Variants in EPS15 observed in about 807,000 individuals in gnomAD.
EPS15 encodes epidermal growth factor receptor substrate 15.
EPS15 carries 72 observed loss-of-function variants against 113.8 expected under a neutral mutation model. That is an observed-to-expected ratio of 0.63 (90% CI 0.52 to 0.77). The LOEUF is 0.77. Among genes scored for constraint, EPS15 ranks in the 30% least tolerant of loss-of-function variants. The pLI is 0.00. For synonymous variants in EPS15, 344 were observed against 363.4 expected, an observed-to-expected ratio of 0.95 and a Z score of 0.61; for missense variants, 1,048 against 1,045.8, an observed-to-expected ratio of 1.00 and a Z score of -0.03.
chr1:51,480,272 G>GA (rs926527192), intron 2 of EPS15, among the ~76,000 whole-genome samples: 3 of 152,134 alleles, frequency 2.0e-5, no homozygotes, highest in African/African-American at 7.2e-5. Context: ...GAGACTGTTA[G>GA]AAAAAATAAT....
In EPS15 at chr1:51,399,035, T is replaced by C. The variant is rs749846074; in HGVS notation, c.2049A>G (p.Thr683=). ...PFSAANNSSI[T]SVETLKHNDP... ...AGTTTTTAATTCTCCCACTTACCGA[T>C]GTAATACTGCTATTGTTGGCTGCAC... Residue 683 remains threonine, a synonymous_variant, in exon 20 of 25, where the codon ACA becomes ACG. Coordinates refer to ENST00000371733, the MANE Select transcript of EPS15 (RefSeq NM_001981.3). The C allele has an allele frequency of 3.3e-5, 54 of 1,612,730 alleles. No individual in the cohort carries two copies. Among genetic ancestry groups the C allele is most frequent in the East Asian group, 2.5e-4 (11 of 44,864 alleles).
At chr1:51,511,304 G>A (rs1644615861) in intron 1 of EPS15, among the ~76,000 whole-genome samples, 1 of 151,834 alleles carries the variant, frequency 6.6e-6, no homozygotes, top group African/African-American at 2.4e-5. Context: ...GACCAGCCTG[G>A]AAAACATGGT....
chr1:51,394,364 A>T lies in EPS15; in HGVS notation c.2119+17T>A, dbSNP rs991657108. 3.2e-6 allele frequency: 5 copies of T among 1,540,412 alleles called. No homozygotes were observed. In the East Asian group the frequency reaches 1.1e-4, roughly 35 times the overall value. ...AAATGTTTAATGTTCAATGAAGTTG[A>T]TAAATTATTTATTTACCTGAATCGC... On this transcript the variant is annotated intron_variant, in intron 21 of 24. Transcript: ENST00000371733.
chr1:51,368,293 T>C (rs1319672912), intron 21 of EPS15, among the ~76,000 whole-genome samples: 1 of 152,240 alleles, frequency 6.6e-6, no homozygotes, highest in Non-Finnish European at 1.5e-5. Flanking sequence ...ACACTATTTT[T>C]GTTTGCTTTG....
rs543526683 is a variant in EPS15 at position 51,372,272 on chromosome 1, G to A, written c.2120-6243C>T. 6.1e-6 allele frequency: 3 copies of A among 493,338 alleles called. No individual in the cohort carries two copies. The Admixed American group carries it at 6.8e-5, about 11-fold the overall frequency. 30.6% of individuals were successfully genotyped at this position (493,338 alleles called of 1,614,324 possible). On this transcript the variant is annotated intron_variant, in intron 21 of 24. Transcript: ENST00000371733. ...GGGCGGTGTGTGTCAAGATGTCAGA[G>A]CTGGCAGTGCAGAAGGCAGTGGTCC...
At chr1:51,375,826 A>C (rs1429399463) in intron 21 of EPS15, among the ~76,000 whole-genome samples, 3 of 152,202 alleles carry the variant, frequency 2.0e-5, no homozygotes, top group Admixed American at 2.0e-4. Flanking sequence ...AAAACAAAAC[A>C]AACAAACCAA....
At chr1:51,430,257 G>A (rs942888537) in intron 12 of EPS15, among the ~76,000 whole-genome samples, 2 of 152,018 alleles carry the variant, frequency 1.3e-5, no homozygotes, top group African/African-American at 4.8e-5. Context: ...AAAGTTACAT[G>A]ACCTTTCATT....
At chr1:51,376,785 T>A (rs891900265) in intron 21 of EPS15, among the ~76,000 whole-genome samples, 2 of 152,218 alleles carry the variant, frequency 1.3e-5, no homozygotes, top group African/African-American at 2.4e-5. Context: ...TAACACAACA[T>A]CCATTCTTGC....
Position 51,507,050 on chromosome 1 carries a change from G to A in EPS15, c.33+12149C>T, listed in dbSNP as rs569597861. Reference sequence around the variant, plus strand: ...TCAGAATAGCATTTTTCAGATTATTGCTCGAGTTAACCCTTGCTGCTGTCT... The same window carrying A: ...TCAGAATAGCATTTTTCAGATTATTACTCGAGTTAACCCTTGCTGCTGTCT... On this transcript the variant is annotated intron_variant, in intron 1 of 24. Transcript: ENST00000371733. Among the ~76,000 whole-genome samples the A allele has an allele frequency of 1.1e-4, 16 of 152,136 alleles. No individual in the cohort carries two copies. In the East Asian group the frequency reaches 3.1e-3, roughly 29 times the overall value.
chr1:51,437,607 T>C (rs531333080), intron 12 of EPS15, among the ~76,000 whole-genome samples: 24 of 151,896 alleles, frequency 1.6e-4, no homozygotes, highest in Non-Finnish European at 2.8e-4. Flanking sequence ...GTTAGCCTCC[T>C]GAGTAGCTGG....
intron 12 of EPS15, among the ~76,000 whole-genome samples, chr1:51,422,645 T>G (rs1259190833): frequency 2.0e-5 from 3 of 152,262 alleles, no homozygotes; most frequent in Non-Finnish European, 2.9e-5. Context: ...AGATTCAGAA[T>G]TGCAAAATAA....
At chr1:51,371,045 G>A (rs1646636931) in intron 21 of EPS15, among the ~76,000 whole-genome samples, 1 of 151,690 alleles carries the variant, frequency 6.6e-6, no homozygotes, top group South Asian at 2.1e-4. Context: ...CCTCCGAGTA[G>A]CTTGCATTAC....
chr1:51,477,290 G>A (rs564267428), intron 2 of EPS15, among the ~76,000 whole-genome samples: 80 of 151,998 alleles, frequency 5.3e-4, no homozygotes, highest in Non-Finnish European at 9.0e-4. Flanking sequence ...CTGTGGGATC[G>A]GTGGTGGTAT....
At chr1:51,431,963 T>G (rs1415495069) in intron 12 of EPS15, among the ~76,000 whole-genome samples, 1 of 152,296 alleles carries the variant, frequency 6.6e-6, no homozygotes, top group Middle Eastern at 3.4e-3. Flanking sequence ...AAGTGCTAAA[T>G]AAATTTCAGC....
intron 1 of EPS15, among the ~76,000 whole-genome samples, chr1:51,508,372 G>GAAAGAAAGAA (rs1557537474): frequency 6.6e-5 from 10 of 150,802 alleles, no homozygotes; most frequent in Non-Finnish European, 1.3e-4. Context: ...AAGAAAGAAA[G>GAAAGAAAGAA]AAAGAAAGAA....
chr1:51,413,797 A>C (rs1649962777), intron 13 of EPS15, among the ~76,000 whole-genome samples: 1 of 152,116 alleles, frequency 6.6e-6, no homozygotes, highest in Non-Finnish European at 1.5e-5. Context: ...CACCCAGGCT[A>C]GAATGCAGTG....
rs1385444535 is a variant in EPS15, at chr1:51,385,974, C to A, written c.2119+8407G>T. Among the ~76,000 whole-genome samples, 6 of 152,040 alleles carry A rather than the reference C, an allele frequency of 3.9e-5. No homozygotes were observed. The East Asian group carries it at 1.2e-3, about 29-fold the overall frequency. On this transcript the variant is annotated intron_variant, in intron 21 of 24. Transcript: ENST00000371733. ...ATGGATGGTGGTGATGATTGCACAACAATGTGAATGTACTTAATGCTCGTG... is the reference window on the plus strand; with the variant it reads ...ATGGATGGTGGTGATGATTGCACAAAAATGTGAATGTACTTAATGCTCGTG...
At position 51,412,908 on chromosome 1, in the gene EPS15, G is replaced by A. The variant is rs180806320; in HGVS notation, c.1114-3212C>T. 3.9e-5 allele frequency among the ~76,000 whole-genome samples: 6 copies of A among 152,124 alleles called. No individual in the cohort carries two copies. In the East Asian group the frequency reaches 1.2e-3, roughly 29 times the overall value. ...CCCTTTGTTTCTTCCTATTCCAAAT[G>A]TCCAACTTGCTTAAAAAATAACTCA... is the stretch of plus-strand genomic sequence containing the variant. On this transcript the variant is annotated intron_variant, in intron 13 of 24. Transcript: ENST00000371733.
At chr1:51,393,358 C>T (rs534479714) in intron 21 of EPS15, among the ~76,000 whole-genome samples, 12 of 152,304 alleles carry the variant, frequency 7.9e-5, no homozygotes, top group African/African-American at 2.9e-4. Context: ...TATAGGCACC[C>T]ACCACCATAC....
Sources: gnomAD v4.1 joint callset for allele counts (sites outside exome capture counted in the v4.1 genomes callset) on GRCh38, gnomAD v4.1.1 for gene constraint, MANE v1.5 for transcripts, NCBI Gene and HGNC (gene_info 2026-07-23, HGNC 2026-07-21) for gene names.